Variants in ARHGEF1 observed in about 807,000 individuals in gnomAD.
ARHGEF1 encodes the protein 115 kDa guanine nucleotide exchange factor.
A neutral mutation model predicts 119.7 loss-of-function variants in ARHGEF1; 40 were observed. That is an observed-to-expected ratio of 0.33 (90% CI 0.26 to 0.44). The LOEUF is 0.44. Among genes scored for constraint, ARHGEF1 ranks in the 20% least tolerant of loss-of-function variants. ARHGEF1 has a pLI of 1.00. For synonymous variants in ARHGEF1, 494 were observed against 521.0 expected, an observed-to-expected ratio of 0.95 and a Z score of 0.71; for missense variants, 976 against 1,268.3, an observed-to-expected ratio of 0.77 and a Z score of 3.50.
intron 14 of ARHGEF1, among the ~76,000 whole-genome samples, chr19:41,900,578 T>C (rs2123490791): frequency 6.6e-6 from 1 of 152,210 alleles, no homozygotes; most frequent in African/African-American, 2.4e-5. Context: ...TCTGAGGCTG[T>C]CAACCACTGT....
At position 41,904,165 on chromosome 19, in the gene ARHGEF1, G is replaced by C; in HGVS notation, c.1994-51G>C. The C allele has an allele frequency of 6.2e-7, 1 of 1,613,024 alleles. No individual in the cohort carries two copies. Among genetic ancestry groups the C allele is most frequent in the Non-Finnish European group, 8.5e-7 (1 of 1,179,086 alleles). On this transcript the variant is annotated intron_variant, in intron 21 of 28. Coordinates refer to ENST00000354532, the MANE Select transcript of ARHGEF1 (RefSeq NM_004706.4). The surrounding 1 kb of genome is among the most constrained non-coding windows in gnomAD (Gnocchi z 8.4). ...GGTGTTGGGGCAGTGAGCCAAGGGC[G>C]GGGAGGGGGTCGCGCGGGGGCACGC...
chr19:41,884,353 G>A, intron 1 of ARHGEF1: 1 of 1,449,068 alleles, frequency 6.9e-7, no homozygotes, highest in Non-Finnish European at 9.4e-7. Flanking sequence ...AGAGCGGCTG[G>A]CAGGAGGAGT....
intron 13 of ARHGEF1, chr19:41,897,057 C>T (rs2074513271): frequency 2.3e-6 from 1 of 432,628 alleles, no homozygotes. Context: ...TTTTTCAGCC[C>T]TTCCTCCCCT....
chr19:41,916,469 T>C lies in ARHGEF1; in HGVS notation c.1866-6623T>C, dbSNP rs2074802400. Among the ~76,000 whole-genome samples the C allele has an allele frequency of 6.7e-6, 1 of 149,382 alleles. No individual in the cohort carries two copies. The highest frequency in any genetic ancestry group is 1.5e-5 in the Non-Finnish European group (1 of 67,232). On this transcript the variant is annotated intron_variant, in intron 18 of 20. Coordinates refer to the ARHGEF1 transcript ENST00000599589. The surrounding 1 kb of genome is among the most constrained non-coding windows in gnomAD (Gnocchi z 5.4). ...CAGATGCACAGAAACAGACACACAG[T>C]TTTACACAAATACACACATGACACA...
At chr19:41,893,252 A>G in intron 7 of ARHGEF1, 22 bp from the exon 8 acceptor site, 1 of 1,612,224 alleles carries the variant, frequency 6.2e-7, no homozygotes, top group Non-Finnish European at 8.5e-7. Flanking sequence ...ATATGTCACA[A>G]ACATCTCTCT....
intron 9 of ARHGEF1, 38 bp downstream of exon 9, chr19:41,894,344 C>G: frequency 3.3e-6 from 5 of 1,517,352 alleles, no homozygotes; most frequent in Non-Finnish European, 4.4e-6. Context: ...CCTTTCCTCT[C>G]CAGAGACGCC....
chr19:41,921,301 G>A (rs1019933617), upstream of ARHGEF1, among the ~76,000 whole-genome samples: 7 of 152,150 alleles, frequency 4.6e-5, no homozygotes, highest in African/African-American at 1.4e-4. This position sits in a 1 kb window ranked among gnomAD's most constrained non-coding sequence, Gnocchi z 4.4. Flanking sequence ...AGAGACCGAG[G>A]GGGTGGAGCG....
Position 41,905,951 on chromosome 19 carries a change from G to C in ARHGEF1, c.2417G>C (p.Arg806Thr). ...ETSPADARTERILSDLLPFCR... is the reference protein window; with the variant it reads ...ETSPADARTETILSDLLPFCR... The stretch of plus-strand genomic sequence containing the variant: ...TTCCCCAATCCAGCCCGGACCGAGA[G>C]AATCCTCAGTGACCTCCTGCCCTTC... The change falls in exon 26 of 29, where the codon AGA becomes ACA. Residue 806 changes from arginine to threonine, a missense_variant. By Grantham distance (71) the Arg-to-Thr change is moderately conservative. Transcript: ENST00000354532. This position sits in a 1 kb window ranked among gnomAD's most constrained non-coding sequence, Gnocchi z 6.4. The C allele has an allele frequency of 6.2e-7, 1 of 1,614,160 alleles. No homozygotes were observed. The highest frequency in any genetic ancestry group is 8.5e-7 in the Non-Finnish European group (1 of 1,180,030).
rs1568809248 is a variant in ARHGEF1, at chr19:41,888,899, T to TG, written c.225+38dup. 1 of 1,566,794 alleles carries TG rather than the reference T, an allele frequency of 6.4e-7. No homozygotes were observed. ...AGGGCTGGGTGGGCACAGGGAGGGG[T>TG]GGGGCTGGGACAGGCACAGCTTTTA... On this transcript the variant is annotated intron_variant, in intron 4 of 28. Coordinates refer to ENST00000354532, the MANE Select transcript of ARHGEF1 (RefSeq NM_004706.4). The surrounding 1 kb of genome is among the most constrained non-coding windows in gnomAD (Gnocchi z 5.1).
rs1555847105 is a variant in ARHGEF1 at position 41,894,551 on chromosome 19, A to G, written c.841+4A>G. The G allele has an allele frequency of 1.2e-6, 2 of 1,613,484 alleles. No homozygotes were observed. Among genetic ancestry groups the G allele is most frequent in the African/African-American group, 2.7e-5 (2 of 74,902 alleles). ...TGGAACCGGGGAGAGCCCCAGGGTA[A>G]GGCGGCTCTGGCCTCTGCCCTCCCC... On this transcript the variant is annotated splice_donor_region_variant and intron_variant, in intron 10 of 28. Coordinates refer to ENST00000354532, the MANE Select transcript of ARHGEF1 (RefSeq NM_004706.4).
Position 41,892,205 on chromosome 19 carries a change from T to G in ARHGEF1, c.324+82T>G. 2 of 1,561,630 alleles carry G rather than the reference T, an allele frequency of 1.3e-6. No homozygotes were observed. Among genetic ancestry groups the G allele is most frequent in the Non-Finnish European group, 1.8e-6 (2 of 1,138,176 alleles). ...ACCATGCGGTCCCCAGCCTCTGCCC[T>G]GAGGGCAGCTGCTGACCCAGGCCTT... On this transcript the variant is annotated intron_variant, in intron 5 of 28. Transcript: ENST00000354532. This position sits in a 1 kb window ranked among gnomAD's most constrained non-coding sequence, Gnocchi z 6.3.
chr19:41,897,351 G>C (rs1377283229), intron 13 of ARHGEF1: 22 of 1,250,116 alleles, frequency 1.8e-5, no homozygotes, highest in Non-Finnish European at 2.2e-5. Flanking sequence ...CCTGGGTGGG[G>C]GAAGGGCTAG....
In ARHGEF1 at chr19:41,902,941, T is replaced by C. The variant is rs782493256; in HGVS notation, c.1738+43T>C. 1 of 1,465,758 alleles carries C rather than the reference T, an allele frequency of 6.8e-7. No individual in the cohort carries two copies. Among genetic ancestry groups the C allele is most frequent in the South Asian group, 1.3e-5 (1 of 78,330 alleles). 90.8% of individuals were successfully genotyped at this position (1,465,758 alleles called of 1,614,324 possible). A position where few individuals can be genotyped will look rare whatever the true frequency, so the allele number is the denominator to read the frequency against. On this transcript the variant is annotated intron_variant, in intron 18 of 28. Coordinates refer to ENST00000354532, the MANE Select transcript of ARHGEF1 (RefSeq NM_004706.4). This position sits in a 1 kb window ranked among gnomAD's most constrained non-coding sequence, Gnocchi z 6.5. ...CTCTGGGCCTCGGCTCTCCTCTTTT[T>C]TTTTTACATTTTTTTTCTCACTCAT... is the stretch of plus-strand genomic sequence containing the variant.
chr19:41,883,246 C>A lies in ARHGEF1; in HGVS notation c.-63C>A. 5.0e-6 allele frequency: 1 copy of A among 201,252 alleles called. No individual in the cohort carries two copies. Among genetic ancestry groups the A allele is most frequent in the Non-Finnish European group, 1.1e-5 (1 of 89,408 alleles). The allele number at this position is 201,252 out of a possible 1,614,324, so 12.5% of individuals were successfully genotyped here. The stretch of plus-strand genomic sequence containing the variant: ...GGACCCAGGGCCCGGGATCGCCGAG[C>A]CCGACCTCGGGCGCCCCGCCGGTCA... On this transcript the variant is annotated 5_prime_UTR_variant, in exon 1 of 29. Coordinates refer to ENST00000354532, the MANE Select transcript of ARHGEF1 (RefSeq NM_004706.4). This position sits in a 1 kb window ranked among gnomAD's most constrained non-coding sequence, Gnocchi z 7.6.
In ARHGEF1 at chr19:41,888,013, C is replaced by A; in HGVS notation, c.-19-51C>A. The A allele has an allele frequency of 6.3e-7, 1 of 1,584,416 alleles. No individual in the cohort carries two copies. The highest frequency in any genetic ancestry group is 1.8e-5 in the Admixed American group (1 of 55,978). ...GGCCAGGAATCTGTGAGTAACCACCCTGGGCCGCCTCCTCCCACCCTCCTA... is the reference window on the plus strand; with the variant it reads ...GGCCAGGAATCTGTGAGTAACCACCATGGGCCGCCTCCTCCCACCCTCCTA... On this transcript the variant is annotated intron_variant, in intron 1 of 28. Transcript: ENST00000354532. This position sits in a 1 kb window ranked among gnomAD's most constrained non-coding sequence, Gnocchi z 5.1.
chr19:41,896,313 C>T (rs542546878), intron 12 of ARHGEF1, 64 bp from the exon 13 acceptor site: 58 of 873,510 alleles, frequency 6.6e-5, no homozygotes, highest in African/African-American at 4.9e-4. Context: ...ATTCCAGGCC[C>T]CCAGAGTGTG....
At chr19:41,884,360 G>T (rs1339559643) in intron 1 of ARHGEF1, 2 of 1,477,558 alleles carry the variant, frequency 1.4e-6, no homozygotes, top group Non-Finnish European at 1.8e-6. Flanking sequence ...CTGGCAGGAG[G>T]AGTGGAGCTG....
rs1168516783 is a variant in ARHGEF1, at chr19:41,905,433, AGTGT to A, written c.2336+177_2336+180del. ...AGTATGTGACTGTGCGTGCATATAT[AGTGT>A]GTGTATGCATGCATGTGTGCGTGTG... On this transcript the variant is annotated intron_variant, in intron 24 of 28. Coordinates refer to ENST00000354532, the MANE Select transcript of ARHGEF1 (RefSeq NM_004706.4). This position sits in a 1 kb window ranked among gnomAD's most constrained non-coding sequence, Gnocchi z 6.4. 4 of 647,108 alleles carry A rather than the reference AGTGT, an allele frequency of 6.2e-6. No individual in the cohort carries two copies. Among genetic ancestry groups the A allele is most frequent in the Non-Finnish European group, 7.9e-6 (3 of 377,946 alleles). The allele number at this position is 647,108 out of a possible 1,614,324, so 40.1% of individuals were successfully genotyped here. A position where few individuals can be genotyped will look rare whatever the true frequency, so the allele number is the denominator to read the frequency against.
chr19:41,923,497 G>C (rs760672766), intron 1 of ARHGEF1, among the ~76,000 whole-genome samples: 2 of 150,046 alleles, frequency 1.3e-5, no homozygotes, highest in Non-Finnish European at 3.0e-5. Flanking sequence ...CAGAGGAGTC[G>C]AGAGGCCAGA....
Sources: gnomAD v4.1 joint callset for allele counts (sites outside exome capture counted in the v4.1 genomes callset) on GRCh38, gnomAD v4.1.1 for gene constraint, Gnocchi (gnomAD v3.1) non-coding constraint, MANE v1.5 for transcripts, NCBI Gene and HGNC (gene_info 2026-07-23, HGNC 2026-07-21) for gene names.